The following AKAP6 variants were observed in gnomAD, a reference collection of about 807,000 sequenced individuals.
AKAP6 encodes the protein A-kinase anchoring protein 6.
Under a neutral mutation model 188.5 loss-of-function variants are expected in AKAP6, and 58 were observed. That is an observed-to-expected ratio of 0.31 (90% CI 0.25 to 0.38). AKAP6 has a LOEUF of 0.38. Ranked by LOEUF, AKAP6 falls within the 10% of genes least tolerant of loss-of-function variation. The pLI, the probability that AKAP6 is intolerant of heterozygous loss-of-function variation, is 1.00. For synonymous variants in AKAP6, 989 were observed against 998.6 expected, an observed-to-expected ratio of 0.99 and a Z score of 0.18; for missense variants, 2,710 against 2,740.0, an observed-to-expected ratio of 0.99 and a Z score of 0.24.
intron 9 of AKAP6, among the ~76,000 whole-genome samples, chr14:32,699,270 C>T (rs12437036): frequency 0.26 from 40,170 of 152,030 alleles, 5,894 homozygotes; most frequent in South Asian, 0.38. Flanking sequence ...AAACCCTAGA[C>T]TATCCACTCA....
intron 2 of AKAP6, among the ~76,000 whole-genome samples, chr14:32,479,622 G>C (rs1879238985): frequency 6.6e-6 from 1 of 152,066 alleles, no homozygotes; most frequent in Admixed American, 6.6e-5. Flanking sequence ...TTTTGCTATG[G>C]TATGAATGTT....
In AKAP6 at chr14:32,417,650, A is replaced by G. The variant is rs569607425; in HGVS notation, c.-34-15810A>G. Among the ~76,000 whole-genome samples, 306 of 152,340 alleles carry G rather than the reference A, an allele frequency of 2.0e-3. 2 individuals are homozygous for G. Among genetic ancestry groups the G allele is most frequent in the African/African-American group, 7.1e-3 (297 of 41,592 alleles). The stretch of plus-strand genomic sequence containing the variant: ...CTTTTATTCTGCTTAACTGTAGTGT[A>G]AAAACTGTCAGGCCGATATACTCCT... On this transcript the variant is annotated intron_variant, in intron 1 of 13. Coordinates refer to ENST00000280979, the MANE Select transcript of AKAP6 (RefSeq NM_004274.5).
intron 1 of AKAP6, among the ~76,000 whole-genome samples, chr14:32,355,529 T>A (rs1472622052): frequency 6.6e-6 from 1 of 152,138 alleles, no homozygotes; most frequent in Non-Finnish European, 1.5e-5. Context: ...TGCATAGAAT[T>A]ACAAAAAAAT....
intron 7 of AKAP6, among the ~76,000 whole-genome samples, chr14:32,623,584 A>G (rs1325378699): frequency 6.6e-6 from 1 of 152,120 alleles, no homozygotes; most frequent in Non-Finnish European, 1.5e-5. Flanking sequence ...GCCTCACTAA[A>G]TTCTCTTCTG....
At position 32,364,462 on chromosome 14, in the gene AKAP6, C is replaced by G. The variant is rs193060935; in HGVS notation, c.-35+35054C>G. On this transcript the variant is annotated intron_variant, in intron 1 of 13. Coordinates refer to ENST00000280979, the MANE Select transcript of AKAP6 (RefSeq NM_004274.5). ...AACCTCAGTGCTCCCCCTCAGTTCC[C>G]TACCCAATTTGTTGAAAGGGGGGTA... 3.4e-3 allele frequency among the ~76,000 whole-genome samples: 517 copies of G among 152,238 alleles called. 1 individual carries two copies. Among genetic ancestry groups the G allele is most frequent in the African/African-American group, 0.012 (492 of 41,540 alleles).
chr14:32,345,409 C>G (rs993152009), intron 1 of AKAP6, among the ~76,000 whole-genome samples: 1 of 152,138 alleles, frequency 6.6e-6, no homozygotes, highest in African/African-American at 2.4e-5. Context: ...CATGACTTAG[C>G]AATGAGGGGT....
rs553227145 is a variant in AKAP6 at position 32,738,738 on chromosome 14, A to G, written c.3372+2856A>G. 2.0e-5 allele frequency among the ~76,000 whole-genome samples: 3 copies of G among 152,230 alleles called. No homozygotes were observed. The East Asian group carries it at 5.8e-4, about 29-fold the overall frequency. Reference sequence around the variant, plus strand: ...CATCCTGTCATTCACTGACTTTTCAAATACACTTTGAAACTTTGCTTTACT... The same window carrying G: ...CATCCTGTCATTCACTGACTTTTCAGATACACTTTGAAACTTTGCTTTACT... On this transcript the variant is annotated intron_variant, in intron 11 of 13. Transcript: ENST00000280979.
chr14:32,824,530 A>G lies in AKAP6; in HGVS notation c.6717A>G (p.Ala2239=), dbSNP rs1033084237. 3.1e-6 allele frequency: 5 copies of G among 1,613,864 alleles called. No individual in the cohort carries two copies. Among genetic ancestry groups the G allele is most frequent in the Non-Finnish European group, 4.2e-6 (5 of 1,179,962 alleles). The part of the protein sequence containing the change: ...NGLPQTSSGC[A]ENLEFTPSKL... ...TGCCCCAAACTTCCAGTGGCTGTGCAGAAAACTTAGAGTTTACTCCTTCAA... is the reference window on the plus strand; with the variant it reads ...TGCCCCAAACTTCCAGTGGCTGTGCGGAAAACTTAGAGTTTACTCCTTCAA... The change falls in exon 13 of 14, where the codon GCA becomes GCG. Residue 2239 remains alanine, a synonymous_variant. Transcript: ENST00000280979.
At chr14:32,527,276 T>C (rs1257723850) in intron 2 of AKAP6, among the ~76,000 whole-genome samples, 2 of 152,208 alleles carry the variant, frequency 1.3e-5, no homozygotes, top group East Asian at 3.9e-4. Flanking sequence ...GATAGCTTAC[T>C]TCTTTTTAGC....
chr14:32,497,111 A>C (rs543801356), intron 2 of AKAP6, among the ~76,000 whole-genome samples: 2 of 152,162 alleles, frequency 1.3e-5, no homozygotes, highest in African/African-American at 2.4e-5. Context: ...TCTTTGAGAA[A>C]GTTCATCCTC....
At chr14:32,583,800 C>T (rs1040548788) in intron 5 of AKAP6, among the ~76,000 whole-genome samples, 25 of 149,682 alleles carry the variant, frequency 1.7e-4, no homozygotes, top group Non-Finnish European at 2.9e-4. Context: ...TATAATCTCC[C>T]GGTGCGCCGT....
At chr14:32,340,854 G>A (rs777055103) in intron 1 of AKAP6, among the ~76,000 whole-genome samples, 7 of 152,192 alleles carry the variant, frequency 4.6e-5, no homozygotes, top group Admixed American at 6.5e-5. Context: ...GGGATAAAGA[G>A]TCTCTCTTGG....
At chr14:32,821,338 G>A (rs1342129036) in intron 12 of AKAP6, 64 bp from the exon 13 acceptor site, 22 of 1,503,208 alleles carry the variant, frequency 1.5e-5, no homozygotes, top group Non-Finnish European at 2.0e-5. Flanking sequence ...GATTTTCAAT[G>A]GATAAAATTT....
intron 11 of AKAP6, among the ~76,000 whole-genome samples, chr14:32,748,750 G>T (rs982663219): frequency 2.6e-5 from 4 of 152,134 alleles, no homozygotes; most frequent in African/African-American, 9.7e-5. Flanking sequence ...CTCTTTTGGG[G>T]TGGTAAAAAC....
rs1223003713 is a variant in AKAP6 at position 32,822,692 on chromosome 14, G to A, written c.4879G>A (p.Glu1627Lys). 18 of 1,613,858 alleles carry A rather than the reference G, an allele frequency of 1.1e-5. No individual in the cohort carries two copies. The highest frequency in any genetic ancestry group is 1.4e-5 in the Non-Finnish European group (17 of 1,179,946). ...DISVSSGSVG[E>K]LSKRTLDLLN... The stretch of plus-strand genomic sequence containing the variant: ...AAGCGTGAGCAGTGGCTCAGTTGGT[G>A]AACTAAGTAAAAGAACATTAGATCT... Residue 1627 changes from glutamate (E) to lysine (K), a missense_variant, in exon 13 of 14, where the codon GAA becomes AAA. By Grantham distance (56) the Glu-to-Lys change is moderately conservative. This residue lies in a region of AKAP6 where 2,473 missense variants were observed against 2,426.1 expected (regional missense o/e 1.02). Transcript: ENST00000280979.
intron 7 of AKAP6, among the ~76,000 whole-genome samples, chr14:32,620,815 T>A (rs532385635): frequency 6.6e-6 from 1 of 152,042 alleles, no homozygotes; most frequent in African/African-American, 2.4e-5. Flanking sequence ...TGGCAGTTTT[T>A]TTTTTAATTA....
At chr14:32,614,886 C>T (rs2139395664) in intron 7 of AKAP6, among the ~76,000 whole-genome samples, 1 of 151,910 alleles carries the variant, frequency 6.6e-6, no homozygotes, top group Middle Eastern at 3.4e-3. Context: ...AAGAGATAAA[C>T]AAGGCTGGGT....
At chr14:32,681,627 C>T (rs1350899388) in intron 8 of AKAP6, among the ~76,000 whole-genome samples, 3 of 151,668 alleles carry the variant, frequency 2.0e-5, no homozygotes, top group Non-Finnish European at 4.4e-5. Context: ...CAAAACATTG[C>T]AGAGCAGGTT....
chr14:32,467,801 CAA>C (rs1225406809), intron 2 of AKAP6, among the ~76,000 whole-genome samples: 1 of 152,018 alleles, frequency 6.6e-6, no homozygotes, highest in Non-Finnish European at 1.5e-5. Context: ...ATGAGACCCC[CAA>C]TATTTCCCTC....
Sources: gnomAD v4.1 joint callset for allele counts (sites outside exome capture counted in the v4.1 genomes callset) on GRCh38, gnomAD v4.1.1 for gene constraint, gnomAD v4.1.1 regional missense constraint, MANE v1.5 for transcripts, NCBI Gene and HGNC (gene_info 2026-07-23, HGNC 2026-07-21) for gene names.